FAM78B: variants seen among roughly 807,000 people sequenced by gnomAD.
The protein encoded by FAM78B is family with sequence similarity 78 member B.
Under a neutral mutation model 20.0 loss-of-function variants are expected in FAM78B, and 10 were observed. The observed-to-expected ratio is 0.50, with a 90% CI of 0.31 to 0.85. The LOEUF (loss-of-function observed/expected upper bound fraction) is 0.85, where lower values mean the gene tolerates loss of function less well. Ranked by LOEUF, FAM78B falls within the 40% of genes least tolerant of loss-of-function variation. The pLI is 0.05. For synonymous variants in FAM78B, 135 were observed against 132.8 expected (o/e 1.02, Z -0.12); for missense variants, 283 against 345.0 (o/e 0.82, Z 1.42).
rs117945046 is a variant in FAM78B at position 166,097,580 on chromosome 1, G to A, written c.264-26817C>T. Among the ~76,000 whole-genome samples, 238 of 152,250 alleles carry A rather than the reference G, an allele frequency of 1.6e-3. 1 individual carries two copies. Among genetic ancestry groups the A allele is most frequent in the East Asian group, 0.015 (76 of 5,158 alleles). ...GAGACCAACCAGCCCTTTGGGTTGC[G>A]TGGGAGCTGGGTAAGGCCTGTGACT... On this transcript the variant is annotated intron_variant, in intron 1 of 1. Coordinates refer to ENST00000354422, the MANE Select transcript of FAM78B (RefSeq NM_001017961.5).
chr1:166,113,207 C>T (rs1195193715), intron 1 of FAM78B, among the ~76,000 whole-genome samples: 1 of 152,212 alleles, frequency 6.6e-6, no homozygotes. Flanking sequence ...TGGCCAAGAC[C>T]CTCCTTTGGT....
chr1:166,139,783 C>G (rs1003148028), intron 1 of FAM78B, among the ~76,000 whole-genome samples: 1 of 152,150 alleles, frequency 6.6e-6, no homozygotes, highest in South Asian at 2.1e-4. Context: ...TCTGTGCTGC[C>G]CCAGAAACAG....
chr1:166,106,350 A>T (rs574777389), intron 1 of FAM78B, among the ~76,000 whole-genome samples: 1 of 102,128 alleles, frequency 9.8e-6, no homozygotes, highest in Non-Finnish European at 2.2e-5. Flanking sequence ...AAACTTAAAT[A>T]AAAAAAAAAG....
chr1:166,143,649 A>G (rs1386816676), intron 1 of FAM78B, among the ~76,000 whole-genome samples: 1 of 152,118 alleles, frequency 6.6e-6, no homozygotes, highest in East Asian at 1.9e-4. Flanking sequence ...ATGTGGAACC[A>G]GGAGGAAGAG....
At chr1:166,151,619 A>C (rs896499985) in intron 1 of FAM78B, among the ~76,000 whole-genome samples, 2 of 152,210 alleles carry the variant, frequency 1.3e-5, no homozygotes, top group Admixed American at 1.3e-4. Flanking sequence ...AACCATGGCC[A>C]GATGTAAGTG....
chr1:166,056,109 G>C (rs148558970), downstream of FAM78B, among the ~76,000 whole-genome samples: 1 of 152,134 alleles, frequency 6.6e-6, no homozygotes, highest in African/African-American at 2.4e-5. Flanking sequence ...GGGTAGAGGC[G>C]TCTTAGTTAG....
intron 1 of FAM78B, among the ~76,000 whole-genome samples, chr1:166,131,182 G>A (rs901112233): frequency 1.3e-5 from 2 of 151,866 alleles, no homozygotes; most frequent in Non-Finnish European, 2.9e-5. Flanking sequence ...AGTAGAGATG[G>A]GGTTTCGCCA....
At chr1:166,119,629 C>T (rs1435379171) in intron 1 of FAM78B, among the ~76,000 whole-genome samples, 1 of 152,230 alleles carries the variant, frequency 6.6e-6, no homozygotes, top group Non-Finnish European at 1.5e-5. Flanking sequence ...CTGTTTTCCT[C>T]CTCTTTGCCA....
chr1:166,063,581 C>T (rs1407606972), intron 2 of FAM78B, among the ~76,000 whole-genome samples: 1 of 149,270 alleles, frequency 6.7e-6, no homozygotes, highest in Non-Finnish European at 1.5e-5. Flanking sequence ...TAAAAATATT[C>T]TGGATCCTAG....
chr1:166,103,712 T>C (rs1467366619), intron 1 of FAM78B, among the ~76,000 whole-genome samples: 1 of 152,192 alleles, frequency 6.6e-6, no homozygotes, highest in African/African-American at 2.4e-5. Context: ...CAATAATTAA[T>C]AGCTTACAAA....
chr1:166,069,117 T>C (rs967776373), downstream of FAM78B, among the ~76,000 whole-genome samples: 2 of 152,198 alleles, frequency 1.3e-5, no homozygotes, highest in Non-Finnish European at 2.9e-5. Flanking sequence ...AAAATAAATA[T>C]ATATAAAAAT....
intron 1 of FAM78B, among the ~76,000 whole-genome samples, chr1:166,095,723 T>C (rs949181526): frequency 1.9e-4 from 29 of 152,022 alleles, no homozygotes; most frequent in African/African-American, 7.0e-4. Flanking sequence ...AGATAGTAAG[T>C]GCTACACAGA....
At chr1:166,162,479 G>A (rs1656184744) in intron 1 of FAM78B, among the ~76,000 whole-genome samples, 2 of 152,200 alleles carry the variant, frequency 1.3e-5, no homozygotes, top group Admixed American at 1.3e-4. Context: ...TTTAGCTATT[G>A]CTGGTTTTCC....
chr1:166,128,584 G>T (rs1452504003), intron 1 of FAM78B, among the ~76,000 whole-genome samples: 2 of 152,208 alleles, frequency 1.3e-5, no homozygotes, highest in African/African-American at 4.8e-5. Flanking sequence ...CTGTTCTTTG[G>T]TTGTAAGTCA....
At position 166,166,267 on chromosome 1, in the gene FAM78B, C is replaced by A; in HGVS notation, c.-19G>T. The A allele has an allele frequency of 7.3e-7, 1 of 1,363,892 alleles. No individual in the cohort carries two copies. The highest frequency in any genetic ancestry group is 9.5e-7 in the Non-Finnish European group (1 of 1,053,170). The allele number at this position is 1,363,892 out of a possible 1,614,324, so 84.5% of individuals were successfully genotyped here. On this transcript the variant is annotated 5_prime_UTR_variant, in exon 1 of 2. Transcript: ENST00000354422. The stretch of plus-strand genomic sequence containing the variant: ...AGCCCATCCTGCAGCCCGGTGCCGG[C>A]ACGGCGCGGCGTGGGGCAGCGCGGG...
At chr1:166,095,257 T>G (rs944783034) in intron 1 of FAM78B, among the ~76,000 whole-genome samples, 1 of 151,952 alleles carries the variant, frequency 6.6e-6, no homozygotes, top group South Asian at 2.1e-4. Flanking sequence ...CCCTTGAGCA[T>G]GGCATACTCG....
rs540780978 is a variant in FAM78B, at chr1:166,165,286, C to T, written c.263+700G>A. On this transcript the variant is annotated intron_variant, in intron 1 of 1. Coordinates refer to ENST00000354422, the MANE Select transcript of FAM78B (RefSeq NM_001017961.5). ...GCATAAGAAACACCCCGCGCCGCGC[C>T]AGCCGAACGCTGCTCGCACAAGGCT... Among the ~76,000 whole-genome samples, 43 of 152,304 alleles carry T rather than the reference C, an allele frequency of 2.8e-4. 1 individual carries two copies. The South Asian group carries it at 8.7e-3, about 31-fold the overall frequency.
intron 1 of FAM78B, among the ~76,000 whole-genome samples, chr1:166,138,041 C>T (rs1407264680): frequency 2.0e-5 from 3 of 152,202 alleles, no homozygotes; most frequent in African/African-American, 7.2e-5. Flanking sequence ...CTCCTTCCTG[C>T]TCTCACAGTG....
At chr1:166,133,125 G>A (rs1291940526) in intron 1 of FAM78B, among the ~76,000 whole-genome samples, 2 of 152,154 alleles carry the variant, frequency 1.3e-5, no homozygotes, top group Admixed American at 6.5e-5. Flanking sequence ...TAGCAGAGTG[G>A]CCCTGCTTTT....
Sources: allele counts gnomAD v4.1 joint callset (sites outside exome capture counted in the v4.1 genomes callset), GRCh38; gene constraint gnomAD v4.1.1; transcripts MANE v1.5; gene names NCBI Gene and HGNC (gene_info 2026-07-23, HGNC 2026-07-21).